The following HSF5 variants were observed in gnomAD, a reference collection of about 807,000 sequenced individuals.
HSF5 encodes heat shock transcription factor 5, also known as heat shock factor protein 5.
HSF5 carries 5 observed loss-of-function variants against 50.8 expected under a neutral mutation model. That is an observed-to-expected ratio of 0.10 (90% confidence interval 0.05 to 0.21). The LOEUF (loss-of-function observed/expected upper bound fraction) is 0.21, where lower values mean the gene tolerates loss of function less well. Among genes scored for constraint, HSF5 ranks in the 10% least tolerant of loss-of-function variants. HSF5 has a pLI of 1.00. For missense variants in HSF5, 564 were observed against 762.6 expected (o/e 0.74, Z 3.07); for synonymous variants, 307 against 307.4 (o/e 1.00, Z 0.02).
chr17:58,459,296 T>C (rs1460661218), intron 4 of HSF5, among the ~76,000 whole-genome samples: 1 of 151,998 alleles, frequency 6.6e-6, no homozygotes, highest in African/African-American at 2.4e-5. Flanking sequence ...CTCGAGCTCA[T>C]GGGCTCAAGT....
chr17:58,423,298 A>G (rs925742265), intron 5 of HSF5, among the ~76,000 whole-genome samples: 2 of 152,278 alleles, frequency 1.3e-5, no homozygotes, highest in African/African-American at 4.8e-5. Flanking sequence ...GTGGTTCATT[A>G]AGAATGAAAG....
chr17:58,466,454 G>C (rs557349386), intron 3 of HSF5, among the ~76,000 whole-genome samples: 11 of 152,260 alleles, frequency 7.2e-5, no homozygotes, highest in African/African-American at 2.6e-4. Context: ...GAATGTTCTA[G>C]ATCTGTGCTG....
intron 1 of HSF5, among the ~76,000 whole-genome samples, chr17:58,480,615 T>C (rs984365583): frequency 6.6e-6 from 1 of 152,296 alleles, no homozygotes. Flanking sequence ...TTTTCCAACG[T>C]GTAAGCTACT....
intron 5 of HSF5, among the ~76,000 whole-genome samples, chr17:58,430,300 G>T (rs1274647734): frequency 6.6e-6 from 1 of 152,144 alleles, no homozygotes; most frequent in Non-Finnish European, 1.5e-5. Context: ...TTGAACTCCT[G>T]ACCTCAGATT....
intron 2 of HSF5, among the ~76,000 whole-genome samples, chr17:58,478,589 G>A (rs536785929): frequency 6.6e-6 from 1 of 150,536 alleles, no homozygotes; most frequent in East Asian, 2.0e-4. Context: ...TGGCCAGGCA[G>A]GGTGGCTCAC....
chr17:58,427,785 T>C (rs908108373), intron 5 of HSF5, among the ~76,000 whole-genome samples: 10 of 152,246 alleles, frequency 6.6e-5, no homozygotes, highest in African/African-American at 2.4e-4. Context: ...CCTAAGGGCT[T>C]CTCTGCCCAT....
At chr17:58,442,999 C>T (rs2143749675) in intron 5 of HSF5, among the ~76,000 whole-genome samples, 1 of 152,088 alleles carries the variant, frequency 6.6e-6, no homozygotes, top group South Asian at 2.1e-4. Context: ...AGCTCTGCCT[C>T]CCAGGTTCAT....
At chr17:58,425,575 CA>C (rs66502039) in intron 5 of HSF5, among the ~76,000 whole-genome samples, 4,074 of 32,768 alleles carry the variant, frequency 0.12, 17 homozygotes, top group Middle Eastern at 0.19. Flanking sequence ...ACCTCTATCT[CA>C]AAAAAAAAAA....
At chr17:58,436,512 C>T (rs73993671) in intron 5 of HSF5, among the ~76,000 whole-genome samples, 98 of 151,352 alleles carry the variant, frequency 6.5e-4, no homozygotes, top group African/African-American at 2.4e-3. Flanking sequence ...ATTAACTGCA[C>T]TGACCAAAGG....
intron 1 of HSF5, among the ~76,000 whole-genome samples, chr17:58,482,709 CAA>C (rs34783781): frequency 0.023 from 302 of 13,380 alleles, no homozygotes; most frequent in African/African-American, 0.085. Context: ...GACTCCATCT[CAA>C]AAAAAAAAAA....
intron 3 of HSF5, 57 bp from the exon 4 acceptor site, chr17:58,463,360 G>A: frequency 7.2e-7 from 1 of 1,391,796 alleles, no homozygotes; most frequent in Non-Finnish European, 9.9e-7. Context: ...AGATTAAGGA[G>A]GAAAGCTACA....
At chr17:58,460,957 G>A (rs1263634176) in intron 4 of HSF5, among the ~76,000 whole-genome samples, 7 of 150,636 alleles carry the variant, frequency 4.6e-5, no homozygotes, top group African/African-American at 1.5e-4. Flanking sequence ...AGTGGCTCAC[G>A]CCTGTAATCC....
intron 5 of HSF5, among the ~76,000 whole-genome samples, chr17:58,455,718 C>G (rs968118616): frequency 2.0e-5 from 3 of 151,854 alleles, no homozygotes; most frequent in Non-Finnish European, 4.4e-5. Flanking sequence ...CACAAATGAC[C>G]AACAGATATA....
intron 5 of HSF5, among the ~76,000 whole-genome samples, chr17:58,458,535 A>G (rs1346756761): frequency 6.6e-6 from 1 of 152,232 alleles, no homozygotes; most frequent in Non-Finnish European, 1.5e-5. Flanking sequence ...AATATGTTCT[A>G]TATTTTCAAA....
intron 5 of HSF5, among the ~76,000 whole-genome samples, chr17:58,435,454 C>T (rs566869899): frequency 7.3e-4 from 111 of 151,788 alleles, no homozygotes; most frequent in Non-Finnish European, 1.2e-3. Flanking sequence ...GGCTGAAGCA[C>T]GAGAATCGCT....
intron 5 of HSF5, among the ~76,000 whole-genome samples, chr17:58,434,202 T>A (rs984813179): frequency 6.6e-6 from 1 of 151,904 alleles, no homozygotes; most frequent in Non-Finnish European, 1.5e-5. Flanking sequence ...CGTGAGCCAC[T>A]GTGCCTGGCC....
intron 5 of HSF5, among the ~76,000 whole-genome samples, chr17:58,447,992 T>C (rs1298318614): frequency 6.6e-6 from 1 of 151,416 alleles, no homozygotes; most frequent in Admixed American, 6.6e-5. Flanking sequence ...CTACTAAAAA[T>C]ACAAAAAATT....
intron 5 of HSF5, among the ~76,000 whole-genome samples, chr17:58,432,276 A>G (rs117949360): frequency 3.9e-5 from 6 of 152,270 alleles, no homozygotes; most frequent in Non-Finnish European, 8.8e-5. Context: ...CCTTCTAGAA[A>G]GAGTGGGGGT....
chr17:58,436,778 T>G (rs1014304699), intron 5 of HSF5, among the ~76,000 whole-genome samples: 1 of 151,896 alleles, frequency 6.6e-6, no homozygotes, highest in Non-Finnish European at 1.5e-5. Flanking sequence ...CTAACCTTCT[T>G]TGCCTAAGTA....
Sources: allele counts gnomAD v4.1 joint callset (sites outside exome capture counted in the v4.1 genomes callset), GRCh38; gene constraint gnomAD v4.1.1; transcripts MANE v1.5; gene names NCBI Gene and HGNC (gene_info 2026-07-23, HGNC 2026-07-21).